The following PRKG1 variants were observed in gnomAD, a reference collection of about 807,000 sequenced individuals.
PRKG1 encodes cGMP-dependent protein kinase 1.
A neutral mutation model predicts 88.1 loss-of-function variants in PRKG1; 35 were observed. The ratio of observed to expected loss-of-function variants is 0.40; its 90% CI spans 0.30 to 0.53. The LOEUF (loss-of-function observed/expected upper bound fraction) is 0.53. PRKG1 is among the 20% of genes least tolerant of loss of function. The probability of loss-of-function intolerance (pLI) is 0.59; values close to 1 mark genes in which losing one functional copy is unlikely to be tolerated. For missense variants in PRKG1, 540 were observed against 839.8 expected (o/e 0.64, Z 4.41); for synonymous variants, 303 against 292.5 (o/e 1.04, Z -0.37).
intron 5 of PRKG1, among the ~76,000 whole-genome samples, chr10:52,030,927 A>G (rs1845460003): frequency 1.3e-5 from 2 of 152,194 alleles, no homozygotes; most frequent in African/African-American, 4.8e-5. Context: ...TAAATTATAT[A>G]ATGTATTTTA....
chr10:51,795,051 A>G (rs909691628), intron 3 of PRKG1, among the ~76,000 whole-genome samples: 66 of 152,124 alleles, frequency 4.3e-4, no homozygotes, highest in African/African-American at 1.5e-3. Context: ...TATTTGTACT[A>G]AAATCATTAT....
intron 2 of PRKG1, among the ~76,000 whole-genome samples, chr10:51,389,630 T>C (rs543994181): frequency 2.6e-5 from 4 of 152,324 alleles, no homozygotes; most frequent in Admixed American, 6.5e-5. Context: ...AGCTCCCTTA[T>C]TCTCAGTAAC....
intron 3 of PRKG1, among the ~76,000 whole-genome samples, chr10:51,513,921 A>G (rs1460271560): frequency 2.2e-5 from 3 of 134,998 alleles, no homozygotes; most frequent in Non-Finnish European, 4.6e-5. Flanking sequence ...ACACCCTAAC[A>G]TCACAATTAA....
chr10:51,474,399 A>T (rs952933420), intron 3 of PRKG1, among the ~76,000 whole-genome samples: 2 of 151,980 alleles, frequency 1.3e-5, no homozygotes, highest in African/African-American at 4.8e-5. Flanking sequence ...GGTTTCGAAA[A>T]TTTTTAAATA....
chr10:51,471,102 T>C (rs1840036798), intron 3 of PRKG1, among the ~76,000 whole-genome samples: 1 of 151,886 alleles, frequency 6.6e-6, no homozygotes, highest in Non-Finnish European at 1.5e-5. Context: ...AATAAAAATA[T>C]ATAAAATTAA....
chr10:51,415,059 T>G (rs1366553136), intron 2 of PRKG1, among the ~76,000 whole-genome samples: 1 of 152,186 alleles, frequency 6.6e-6, no homozygotes, highest in Non-Finnish European at 1.5e-5. Context: ...ATGACTACTT[T>G]CATTTTACAG....
chr10:51,578,988 T>C (rs1288720723), intron 3 of PRKG1, among the ~76,000 whole-genome samples: 4 of 136,164 alleles, frequency 2.9e-5, no homozygotes, highest in African/African-American at 1.1e-4. Flanking sequence ...TGGTTTTTTT[T>C]TTTTTTTTTT....
intron 3 of PRKG1, among the ~76,000 whole-genome samples, chr10:51,621,602 C>T (rs1839213590): frequency 6.6e-6 from 1 of 152,118 alleles, no homozygotes; most frequent in Non-Finnish European, 1.5e-5. Context: ...AGATGCAGAC[C>T]TCTCTTTTAG....
chr10:52,171,812 T>TG (rs1408069504), intron 9 of PRKG1, among the ~76,000 whole-genome samples: 2 of 92,106 alleles, frequency 2.2e-5, no homozygotes, highest in Non-Finnish European at 4.9e-5. Flanking sequence ...TTTTTTTTTT[T>TG]TGAGACGGAG....
intron 2 of PRKG1, among the ~76,000 whole-genome samples, chr10:51,251,603 GA>G (rs11392065): frequency 1.3e-5 from 2 of 151,294 alleles, no homozygotes; most frequent in Non-Finnish European, 3.0e-5. Context: ...TAGGAACACA[GA>G]AAAAAAATGG....
intron 4 of PRKG1, among the ~76,000 whole-genome samples, chr10:51,810,934 C>T (rs1839440657): frequency 1.3e-5 from 2 of 152,170 alleles, no homozygotes; most frequent in Admixed American, 6.5e-5. Flanking sequence ...GATGCATCAT[C>T]ACCTCTGTGG....
chr10:51,236,846 C>T (rs559423640), intron 2 of PRKG1, among the ~76,000 whole-genome samples: 4 of 152,156 alleles, frequency 2.6e-5, no homozygotes, highest in Admixed American at 2.6e-4. Context: ...CCAGTATAAC[C>T]CATTTGAATT....
chr10:52,264,760 T>C (rs1441651227), intron 10 of PRKG1, among the ~76,000 whole-genome samples: 2 of 152,134 alleles, frequency 1.3e-5, no homozygotes, highest in African/African-American at 4.8e-5. Context: ...AGAAAGCTAC[T>C]GCTACTTTTT....
At chr10:51,638,647 T>C (rs1336664560) in intron 3 of PRKG1, among the ~76,000 whole-genome samples, 1 of 152,092 alleles carries the variant, frequency 6.6e-6, no homozygotes, top group Non-Finnish European at 1.5e-5. Context: ...TGTTATAATA[T>C]GGAATATAAA....
intron 6 of PRKG1, among the ~76,000 whole-genome samples, chr10:52,059,076 A>G (rs771388909): frequency 1.4e-4 from 21 of 152,064 alleles, no homozygotes; most frequent in Non-Finnish European, 2.9e-4. Context: ...GTTCAAAATG[A>G]TTAGTCATTA....
At chr10:51,311,837 T>A (rs1198650275) in intron 2 of PRKG1, among the ~76,000 whole-genome samples, 1 of 152,062 alleles carries the variant, frequency 6.6e-6, no homozygotes, top group Non-Finnish European at 1.5e-5. Context: ...AAGGAGGGCC[T>A]GGGGGAAGCA....
At chr10:51,621,939 C>T (rs1325622575) in intron 3 of PRKG1, among the ~76,000 whole-genome samples, 1 of 152,094 alleles carries the variant, frequency 6.6e-6, no homozygotes, top group Non-Finnish European at 1.5e-5. Flanking sequence ...TACTTAGGAA[C>T]CAAAATCAAA....
intron 3 of PRKG1, among the ~76,000 whole-genome samples, chr10:51,709,427 G>A (rs938911934): frequency 5.9e-5 from 9 of 152,094 alleles, no homozygotes; most frequent in Non-Finnish European, 1.2e-4. Context: ...CTGTGTATAC[G>A]TTCTTGCAGA....
At position 51,553,989 on chromosome 10, in the gene PRKG1, C is replaced by T. The variant is rs190118244; in HGVS notation, c.592+86153C>T. Among the ~76,000 whole-genome samples the T allele has an allele frequency of 1.1e-4, 14 of 123,794 alleles. 2 individuals carry two copies. Among genetic ancestry groups the T allele is most frequent in the Non-Finnish European group, 2.3e-4 (13 of 57,460 alleles). 81.2% of individuals were successfully genotyped at this position (123,794 alleles called of 152,430 possible). ...ATTAGATACGTGCATATTATATATG[C>T]GTATGTGATACGTGCATATTATATG... On this transcript the variant is annotated intron_variant, in intron 3 of 17. Transcript: ENST00000373980.
Sources: gnomAD v4.1 joint callset for allele counts (sites outside exome capture counted in the v4.1 genomes callset) on GRCh38, gnomAD v4.1.1 for gene constraint, MANE v1.5 for transcripts, NCBI Gene and HGNC (gene_info 2026-07-23, HGNC 2026-07-21) for gene names.